TFAP2D: variants seen among roughly 807,000 people sequenced by gnomAD.
TFAP2D encodes the protein transcription factor AP-2 delta.
A neutral mutation model predicts 43.6 loss-of-function variants in TFAP2D; 9 were observed. That is an observed-to-expected ratio of 0.21 (90% CI 0.12 to 0.36). The LOEUF (loss-of-function observed/expected upper bound fraction) is 0.36. Ranked by LOEUF, TFAP2D falls within the 10% of genes least tolerant of loss-of-function variation. TFAP2D has a pLI of 1.00. For missense variants in TFAP2D, 513 were observed against 561.4 expected, an observed-to-expected ratio of 0.91 and a Z score of 0.87; for synonymous variants, 256 against 224.9, an observed-to-expected ratio of 1.14 and a Z score of -1.24.
chr6:50,759,006 G>A (rs979585976), intron 7 of TFAP2D, among the ~76,000 whole-genome samples: 1 of 151,990 alleles, frequency 6.6e-6, no homozygotes, highest in African/African-American at 2.4e-5. Flanking sequence ...CAGGGCTTTT[G>A]ATGAATTTTT....
At chr6:50,742,734 C>T (rs879289229) in intron 5 of TFAP2D, among the ~76,000 whole-genome samples, 3 of 152,030 alleles carry the variant, frequency 2.0e-5, no homozygotes, top group Non-Finnish European at 4.4e-5. Flanking sequence ...ACTTGCTGTA[C>T]AAAGATGATG....
At chr6:50,754,429 C>T (rs1487591611) in intron 7 of TFAP2D, among the ~76,000 whole-genome samples, 1 of 151,710 alleles carries the variant, frequency 6.6e-6, no homozygotes, top group Non-Finnish European at 1.5e-5. Context: ...GGGTTGCATC[C>T]ACTTCTTGAC....
intron 7 of TFAP2D, among the ~76,000 whole-genome samples, chr6:50,767,393 G>T (rs2113895380): frequency 6.6e-6 from 1 of 152,242 alleles, no homozygotes; most frequent in Non-Finnish European, 1.5e-5. Flanking sequence ...TACCTGGATT[G>T]TCAGTTTTGC....
chr6:50,758,839 G>T (rs983562342), intron 7 of TFAP2D, among the ~76,000 whole-genome samples: 6 of 151,974 alleles, frequency 3.9e-5, no homozygotes, highest in African/African-American at 1.2e-4. Context: ...CAAAAGCAAG[G>T]GTTAGCAGAT....
chr6:50,718,274 G>A (rs1241663907), intron 2 of TFAP2D: 1 of 152,062 alleles, frequency 6.6e-6, no homozygotes, highest in Non-Finnish European at 1.5e-5. Context: ...TGTAAAGGTT[G>A]TTTTGTAAAG....
chr6:50,736,002 G>A (rs1768957225), intron 5 of TFAP2D, among the ~76,000 whole-genome samples: 1 of 152,028 alleles, frequency 6.6e-6, no homozygotes, highest in Non-Finnish European at 1.5e-5. Context: ...TATTCTCATT[G>A]CTCTTACACA....
intron 1 of TFAP2D, 48 bp from the exon 2 acceptor site, chr6:50,715,068 A>G (rs1410628070): frequency 1.9e-6 from 3 of 1,581,728 alleles, no homozygotes; most frequent in Non-Finnish European, 2.6e-6. Context: ...TTGCAAAATG[A>G]CAAACCTCAA....
chr6:50,719,083 T>C lies in TFAP2D; in HGVS notation c.538-7T>C, dbSNP rs920304681. The C allele has an allele frequency of 9.3e-6, 15 of 1,613,722 alleles. No homozygotes were observed. Among genetic ancestry groups the C allele is most frequent in the Non-Finnish European group, 1.2e-5 (14 of 1,179,752 alleles). On this transcript the variant is annotated splice_polypyrimidine_tract_variant and splice_region_variant and intron_variant, in intron 2 of 7. Transcript: ENST00000008391. ...TAAGTAATTTTATTTCTGTTTCTTT[T>C]ATTAAGGGCTCTGTGGAGGCCCAGT...
At chr6:50,727,798 C>T (rs1395646356) in intron 3 of TFAP2D, among the ~76,000 whole-genome samples, 4 of 152,172 alleles carry the variant, frequency 2.6e-5, no homozygotes, top group African/African-American at 9.6e-5. Flanking sequence ...TTAGATTGCT[C>T]AATGCATTAG....
At chr6:50,721,811 G>C (rs1055920240) in intron 3 of TFAP2D, among the ~76,000 whole-genome samples, 1 of 152,082 alleles carries the variant, frequency 6.6e-6, no homozygotes, top group Non-Finnish European at 1.5e-5. Flanking sequence ...CTAAGTTCCC[G>C]GATTAATTTA....
intron 5 of TFAP2D, among the ~76,000 whole-genome samples, chr6:50,738,560 T>C (rs1391849722): frequency 6.6e-6 from 1 of 152,230 alleles, no homozygotes; most frequent in African/African-American, 2.4e-5. Flanking sequence ...TTTTGTTTCA[T>C]GGCCAAATGT....
intron 5 of TFAP2D, among the ~76,000 whole-genome samples, chr6:50,743,113 T>C (rs1036754443): frequency 2.0e-5 from 3 of 152,010 alleles, no homozygotes; most frequent in African/African-American, 7.2e-5. Flanking sequence ...AGTTACATCA[T>C]CTCTCTATTT....
chr6:50,731,496 C>T (rs1300631286), intron 5 of TFAP2D, among the ~76,000 whole-genome samples: 1 of 151,728 alleles, frequency 6.6e-6, no homozygotes, highest in African/African-American at 2.4e-5. Flanking sequence ...GTACTATGTA[C>T]AATATTCTCT....
chr6:50,771,163 A>G (rs1226971989), intron 7 of TFAP2D, among the ~76,000 whole-genome samples: 1 of 152,222 alleles, frequency 6.6e-6, no homozygotes, highest in Non-Finnish European at 1.5e-5. Context: ...TTAGTTAATT[A>G]GTTAGTTTTC....
At chr6:50,726,877 G>T (rs1768815387) in intron 3 of TFAP2D, among the ~76,000 whole-genome samples, 1 of 152,208 alleles carries the variant, frequency 6.6e-6, no homozygotes, top group African/African-American at 2.4e-5. Context: ...GTGAGAATAT[G>T]AAGAGGGGGA....
chr6:50,744,974 T>A, intron 5 of TFAP2D, 133 bp from the exon 6 acceptor site: 1 of 1,160,452 alleles, frequency 8.6e-7, no homozygotes, highest in South Asian at 1.8e-5. Context: ...AAGGTCTTTT[T>A]TCTTGAATAG....
intron 6 of TFAP2D, among the ~76,000 whole-genome samples, chr6:50,745,822 G>T (rs1259422838): frequency 6.6e-6 from 1 of 151,874 alleles, no homozygotes; most frequent in Non-Finnish European, 1.5e-5. Flanking sequence ...CAAAGCTTCT[G>T]GAAATTGTAA....
intron 1 of TFAP2D, among the ~76,000 whole-genome samples, chr6:50,714,877 G>C (rs1040930933): frequency 6.6e-6 from 1 of 152,000 alleles, no homozygotes; most frequent in African/African-American, 2.4e-5. Flanking sequence ...ATATAGGGTG[G>C]GGGATTTTTT....
intron 7 of TFAP2D, among the ~76,000 whole-genome samples, chr6:50,761,871 GC>G (rs1670599112): frequency 6.6e-6 from 1 of 151,998 alleles, no homozygotes; most frequent in Non-Finnish European, 1.5e-5. Context: ...AAGAACTGAA[GC>G]TTTGGAGATT....
Sources: allele counts gnomAD v4.1 joint callset (sites outside exome capture counted in the v4.1 genomes callset), GRCh38; gene constraint gnomAD v4.1.1; transcripts MANE v1.5; gene names NCBI Gene and HGNC (gene_info 2026-07-23, HGNC 2026-07-21).